Variants in NF1 observed in about 807,000 individuals in gnomAD.
NF1 encodes the protein neurofibromin 1, also known as neurofibromin.
A neutral mutation model predicts 325.7 loss-of-function variants in NF1; 122 were observed. That is an observed-to-expected ratio of 0.37 (90% CI 0.32 to 0.44). The LOEUF (loss-of-function observed/expected upper bound fraction) is 0.44. Among genes scored for constraint, NF1 ranks in the 20% least tolerant of loss-of-function variants. The pLI, the probability that NF1 is intolerant of heterozygous loss-of-function variation, is 1.00. For missense variants in NF1, 2,140 were observed against 3,415.4 expected (o/e 0.63, Z 9.31); for synonymous variants, 1,091 against 1,186.0 (o/e 0.92, Z 1.65).
At chr17:31,327,396 G>A in intron 37 of NF1, 103 bp from the exon 38 acceptor site, 1 of 783,826 alleles carries the variant, frequency 1.3e-6, no homozygotes, top group Non-Finnish European at 2.2e-6. Context: ...TTCCTTAAAT[G>A]GCATAGTGTT....
intron 36 of NF1, among the ~76,000 whole-genome samples, chr17:31,285,788 C>T (rs1188979059): frequency 6.6e-6 from 1 of 152,088 alleles, no homozygotes; most frequent in Non-Finnish European, 1.5e-5. Context: ...GGCTGCACTC[C>T]AGCCTGGGTG....
intron 30 of NF1, among the ~76,000 whole-genome samples, chr17:31,249,356 G>A (rs2067455326): frequency 6.6e-6 from 1 of 152,192 alleles, no homozygotes. Flanking sequence ...TGCATTGGGA[G>A]CAAGTTTAAA....
At chr17:31,170,958 T>C (rs2065919528) in intron 5 of NF1, among the ~76,000 whole-genome samples, 1 of 152,210 alleles carries the variant, frequency 6.6e-6, no homozygotes, top group Non-Finnish European at 1.5e-5. Context: ...AATAATATTT[T>C]TAATATCTGA....
chr17:31,345,180 T>G (rs2069939473), intron 48 of NF1, among the ~76,000 whole-genome samples: 1 of 152,152 alleles, frequency 6.6e-6, no homozygotes, highest in South Asian at 2.1e-4. Context: ...CACCTATTTT[T>G]AAATGGGGGA....
Position 31,230,248 on chromosome 17 carries a change from A to C in NF1, c.2991-12A>C, listed in dbSNP as rs760838737. The stretch of plus-strand genomic sequence containing the variant: ...ATCTGATAATTTTTTTATTGTTTCT[A>C]TGTCTATATAGGTATGTTCGTGTGC... On this transcript the variant is annotated splice_polypyrimidine_tract_variant and intron_variant, in intron 22 of 57. Coordinates refer to ENST00000358273, the MANE Select transcript of NF1 (RefSeq NM_001042492.3). The C allele has an allele frequency of 1.9e-6, 3 of 1,610,506 alleles. No homozygotes were observed. Among genetic ancestry groups the C allele is most frequent in the Non-Finnish European group, 1.7e-6 (2 of 1,177,836 alleles).
At chr17:31,194,012 T>C (rs1486600066) in intron 8 of NF1, among the ~76,000 whole-genome samples, 1 of 152,140 alleles carries the variant, frequency 6.6e-6, no homozygotes, top group Non-Finnish European at 1.5e-5. Flanking sequence ...AGAACTACCA[T>C]GTGATCCAAC....
chr17:31,315,309 AAAACAAT>A (rs1284225829), intron 36 of NF1, among the ~76,000 whole-genome samples: 1 of 152,172 alleles, frequency 6.6e-6, no homozygotes, highest in Non-Finnish European at 1.5e-5. Flanking sequence ...ATAGGTACAA[AAAACAAT>A]AGAAAGAATG....
intron 50 of NF1, among the ~76,000 whole-genome samples, chr17:31,351,860 GTTT>G (rs74671521): frequency 7.1e-6 from 1 of 141,410 alleles, no homozygotes. Flanking sequence ...ATTTTTTGGG[GTTT>G]TTTTTTTTTT....
intron 29 of NF1, 137 bp from the exon 30 acceptor site, chr17:31,248,845 TAG>T: frequency 4.8e-5 from 37 of 766,230 alleles, no homozygotes; most frequent in Non-Finnish European, 5.8e-5. Context: ...TTTTTTTTTA[TAG>T]TTGGTTGTTT....
chr17:31,203,128 T>C lies in NF1; in HGVS notation c.1260+1643T>C, dbSNP rs143295339. On this transcript the variant is annotated intron_variant, in intron 11 of 57. Transcript: ENST00000358273. The stretch of plus-strand genomic sequence containing the variant: ...GCACTTTCAAGCATGGACTTGGCAC[T>C]GCTGTAAGTGGCTGAGCTGCTCCTT... 4.1e-4 allele frequency among the ~76,000 whole-genome samples: 63 copies of C among 152,330 alleles called. No homozygotes were observed. Among genetic ancestry groups the C allele is most frequent in the African/African-American group, 1.2e-3 (51 of 41,574 alleles).
chr17:31,294,902 T>A (rs375125076), intron 36 of NF1: 5 of 1,460,336 alleles, frequency 3.4e-6, no homozygotes, highest in East Asian at 2.3e-5. Flanking sequence ...AAGACTGGCT[T>A]TCTTGAATAC....
chr17:31,295,690 G>C (rs1466963676), intron 36 of NF1: 1 of 1,614,176 alleles, frequency 6.2e-7, no homozygotes, highest in Admixed American at 1.7e-5. Context: ...GCAACTGAAA[G>C]AGTTGGTCAA....
intron 15 of NF1, 54 bp from the exon 16 acceptor site, chr17:31,223,390 A>G: frequency 6.3e-7 from 1 of 1,598,444 alleles, no homozygotes; most frequent in Non-Finnish European, 8.5e-7. Context: ...GTCTGGTTAT[A>G]TCTGCATTAG....
At chr17:31,193,774 T>C (rs2066388549) in intron 8 of NF1, among the ~76,000 whole-genome samples, 2 of 152,144 alleles carry the variant, frequency 1.3e-5, no homozygotes, top group East Asian at 1.9e-4. Flanking sequence ...CCAACAGATA[T>C]ATTTTTTAAA....
chr17:31,186,827 G>T (rs1330856737), intron 8 of NF1, among the ~76,000 whole-genome samples: 3 of 152,210 alleles, frequency 2.0e-5, no homozygotes, highest in Non-Finnish European at 4.4e-5. Context: ...GCTTAGCAAC[G>T]TGGACTTCAC....
At chr17:31,248,656 TC>T (rs2067441517) in intron 29 of NF1, among the ~76,000 whole-genome samples, 1 of 152,142 alleles carries the variant, frequency 6.6e-6, no homozygotes, top group East Asian at 1.9e-4. Flanking sequence ...TGCCTCAGCC[TC>T]CTGAGTAGCT....
chr17:31,107,648 A>G (rs1912983878), intron 1 of NF1, among the ~76,000 whole-genome samples: 1 of 152,166 alleles, frequency 6.6e-6, no homozygotes, highest in Non-Finnish European at 1.5e-5. Flanking sequence ...CATCTTAAGT[A>G]CACCCTAGAT....
At chr17:31,190,772 C>T (rs2066328367) in intron 8 of NF1, among the ~76,000 whole-genome samples, 1 of 152,158 alleles carries the variant, frequency 6.6e-6, no homozygotes, top group Admixed American at 6.5e-5. Context: ...GATTTACATT[C>T]CCCAATAGTT....
At chr17:31,298,560 T>G (rs924489918) in intron 36 of NF1, among the ~76,000 whole-genome samples, 2 of 152,104 alleles carry the variant, frequency 1.3e-5, no homozygotes, top group Non-Finnish European at 2.9e-5. Context: ...GGAGCCACCT[T>G]TTGTATAAAA....
Sources: gnomAD v4.1 joint callset for allele counts (sites outside exome capture counted in the v4.1 genomes callset) on GRCh38, gnomAD v4.1.1 for gene constraint, MANE v1.5 for transcripts, NCBI Gene and HGNC (gene_info 2026-07-23, HGNC 2026-07-21) for gene names.